TBPL1: variants seen among roughly 807,000 people sequenced by gnomAD.
The protein encoded by TBPL1 is TATA box-binding protein-like 1.
Under a neutral mutation model 22.1 loss-of-function variants are expected in TBPL1, and 4 were observed. The ratio of observed to expected loss-of-function variants is 0.18; its 90% CI spans 0.09 to 0.41. The LOEUF is 0.41. TBPL1 is among the 10% of genes least tolerant of loss of function. The probability of loss-of-function intolerance (pLI) is 1.00; values close to 1 mark genes in which losing one functional copy is unlikely to be tolerated. For synonymous variants in TBPL1, 64 were observed against 71.0 expected (o/e 0.90, Z 0.50); for missense variants, 115 against 222.3 (o/e 0.52, Z 3.07).
At chr6:133,963,825 T>G (rs1325772336) in intron 1 of TBPL1, among the ~76,000 whole-genome samples, 4 of 148,296 alleles carry the variant, frequency 2.7e-5, no homozygotes, top group Non-Finnish European at 5.9e-5. Flanking sequence ...GGTCAGGAGA[T>G]CGAGACCATC....
At chr6:133,983,414 G>T (rs1776450680) in intron 4 of TBPL1, among the ~76,000 whole-genome samples, 1 of 152,248 alleles carries the variant, frequency 6.6e-6, no homozygotes, top group Non-Finnish European at 1.5e-5. Context: ...ATAAAGATGA[G>T]AATGGTCCCT....
chr6:133,983,466 A>G (rs1441395589), intron 4 of TBPL1, among the ~76,000 whole-genome samples: 1 of 152,256 alleles, frequency 6.6e-6, no homozygotes, highest in Non-Finnish European at 1.5e-5. Flanking sequence ...ACAAGTTTGT[A>G]GAAGTGGGGA....
In TBPL1 at chr6:133,988,635, C is replaced by T. The variant is rs1478097188; in HGVS notation, c.*1595C>T. The stretch of plus-strand genomic sequence containing the variant: ...TTCTTCTCAATGCCTTCCCTAACCT[C>T]CTGCTTATTCCAAAGTGGAAAGCAA... On this transcript the variant is annotated 3_prime_UTR_variant, in exon 7 of 7. Transcript: ENST00000237264. 5 of 151,784 alleles carry T rather than the reference C, an allele frequency of 3.3e-5. No homozygotes were observed. The highest frequency in any genetic ancestry group is 2.0e-4 in the Admixed American group (3 of 15,240). 9.4% of individuals were successfully genotyped at this position (151,784 alleles called of 1,614,324 possible).
At chr6:133,968,750 A>G (rs1776166911) in intron 1 of TBPL1, 1 of 152,232 alleles carries the variant, frequency 6.6e-6, no homozygotes, top group South Asian at 2.1e-4. Flanking sequence ...TGCTCACTGC[A>G]GCCTCTGCCC....
rs988953176 is a variant in TBPL1 at position 133,987,277 on chromosome 6, G to A, written c.*237G>A. The A allele has an allele frequency of 1.6e-5, 5 of 307,954 alleles. No homozygotes were observed. The highest frequency in any genetic ancestry group is 4.4e-5 in the African/African-American group (2 of 45,902). 19.1% of individuals were successfully genotyped at this position (307,954 alleles called of 1,614,324 possible). On this transcript the variant is annotated 3_prime_UTR_variant, in exon 7 of 7. Coordinates refer to ENST00000237264, the MANE Select transcript of TBPL1 (RefSeq NM_004865.4). ...ACAAAAGGACATTCTATTTATTTTC[G>A]CAGTAATTCTCATGTCCCCATAAGC... is the stretch of plus-strand genomic sequence containing the variant.
intron 6 of TBPL1, among the ~76,000 whole-genome samples, chr6:133,985,356 G>A (rs1262285355): frequency 8.8e-6 from 1 of 113,276 alleles, no homozygotes; most frequent in African/African-American, 3.5e-5. Flanking sequence ...ATATTTTCTG[G>A]TATATGTATC....
upstream of TBPL1, chr6:133,952,500 ACGGTCCTG>A (rs1775849757): frequency 1.3e-5 from 2 of 152,294 alleles, no homozygotes; most frequent in Admixed American, 1.3e-4. This position sits in a 1 kb window ranked among gnomAD's most constrained non-coding sequence, Gnocchi z 4.5. Flanking sequence ...GAAGTGGCAT[ACGGTCCTG>A]CGTTATCCCT....
intron 2 of TBPL1, among the ~76,000 whole-genome samples, chr6:133,980,981 TTTTTTG>T (rs1451321103): frequency 6.9e-6 from 1 of 145,548 alleles, no homozygotes; most frequent in African/African-American, 2.6e-5. Context: ...TTTTTTTTTT[TTTTTTG>T]AGACGGAGTC....
intron 1 of TBPL1, among the ~76,000 whole-genome samples, chr6:133,977,213 T>C (rs1582578853): frequency 6.6e-6 from 1 of 152,300 alleles, no homozygotes; most frequent in Middle Eastern, 3.4e-3. Flanking sequence ...TGACTTTTTA[T>C]ATTGCATCTT....
Position 133,984,700 on chromosome 6 carries a change from T to C in TBPL1, c.481+29T>C, listed in dbSNP as rs1052903315. 17 of 1,527,168 alleles carry C rather than the reference T, an allele frequency of 1.1e-5. No individual in the cohort carries two copies. The African/African-American group carries it at 1.8e-4, about 16-fold the overall frequency. 94.6% of individuals were successfully genotyped at this position (1,527,168 alleles called of 1,614,324 possible). A position where few individuals can be genotyped will look rare whatever the true frequency, so the allele number is the denominator to read the frequency against. On this transcript the variant is annotated intron_variant, in intron 6 of 6. Coordinates refer to ENST00000237264, the MANE Select transcript of TBPL1 (RefSeq NM_004865.4). Reference sequence around the variant, plus strand: ...TTCTATGATATTGAAACCACACTTATCAATTATGGATTGAATGATACAAGA... The same window carrying C: ...TTCTATGATATTGAAACCACACTTACCAATTATGGATTGAATGATACAAGA...
intron 1 of TBPL1, among the ~76,000 whole-genome samples, chr6:133,971,520 C>G (rs953530533): frequency 2.0e-5 from 3 of 152,114 alleles, no homozygotes; most frequent in African/African-American, 7.2e-5. Context: ...TGTGAGTTTA[C>G]TATCCTACCA....
At chr6:133,985,337 TACACAC>T (rs60174070) in intron 6 of TBPL1, among the ~76,000 whole-genome samples, 4 of 55,002 alleles carry the variant, frequency 7.3e-5, no homozygotes, top group African/African-American at 1.8e-4. Context: ...TATATATATA[TACACAC>T]ATATATTTTC....
intron 1 of TBPL1, among the ~76,000 whole-genome samples, chr6:133,972,375 T>A (rs569601059): frequency 2.2e-4 from 33 of 152,350 alleles, no homozygotes; most frequent in Admixed American, 1.0e-3. Flanking sequence ...AGGACCATGT[T>A]ATACAGACAT....
intron 1 of TBPL1, among the ~76,000 whole-genome samples, chr6:133,974,004 C>G (rs1464045212): frequency 1.6e-5 from 2 of 124,618 alleles, no homozygotes; most frequent in Non-Finnish European, 3.3e-5. Flanking sequence ...CAGACTTTAC[C>G]AAAAAAAAAA....
At chr6:133,982,738 T>A in intron 3 of TBPL1, 79 bp from the exon 4 acceptor site, 1 of 1,584,074 alleles carries the variant, frequency 6.3e-7, no homozygotes. Context: ...CAAAATCATA[T>A]GTAAAGTTTG....
intron 1 of TBPL1, among the ~76,000 whole-genome samples, chr6:133,974,634 G>A (rs550638435): frequency 6.6e-6 from 1 of 152,294 alleles, no homozygotes; most frequent in Non-Finnish European, 1.5e-5. Context: ...GACGAGTTCA[G>A]TTATTTCTTA....
In TBPL1 at chr6:133,989,056, G is replaced by A. The variant is rs1222955841; in HGVS notation, c.*2016G>A. The A allele has an allele frequency of 6.6e-6, 1 of 152,202 alleles. No individual in the cohort carries two copies. The highest frequency in any genetic ancestry group is 6.6e-5 in the Admixed American group (1 of 15,266). The allele number at this position is 152,202 out of a possible 1,614,324, so 9.4% of individuals were successfully genotyped here. A position where few individuals can be genotyped will look rare whatever the true frequency, so the allele number is the denominator to read the frequency against. On this transcript the variant is annotated 3_prime_UTR_variant, in exon 7 of 7. Transcript: ENST00000237264. Reference sequence around the variant, plus strand: ...TCTGAAGGGAGAGGGTAAAGACAGTGTGACCAGGTTTGTTTTCAGGGCTGC... The same window carrying A: ...TCTGAAGGGAGAGGGTAAAGACAGTATGACCAGGTTTGTTTTCAGGGCTGC...
intron 1 of TBPL1, among the ~76,000 whole-genome samples, chr6:133,972,794 G>A (rs1255856934): frequency 2.6e-5 from 4 of 152,082 alleles, no homozygotes; most frequent in African/African-American, 7.2e-5. Flanking sequence ...GAATCCATCT[G>A]TCAGTAATAG....
intron 2 of TBPL1, among the ~76,000 whole-genome samples, chr6:133,982,081 G>A (rs1776425403): frequency 6.6e-6 from 1 of 152,222 alleles, no homozygotes; most frequent in South Asian, 2.1e-4. Context: ...AGAAAGCAAT[G>A]AAGGGATGGG....
Sources: gnomAD v4.1 joint callset for allele counts (sites outside exome capture counted in the v4.1 genomes callset) on GRCh38, gnomAD v4.1.1 for gene constraint, Gnocchi (gnomAD v3.1) non-coding constraint, MANE v1.5 for transcripts, NCBI Gene and HGNC (gene_info 2026-07-23, HGNC 2026-07-21) for gene names.